Variants in CCDC33 observed in about 807,000 individuals in gnomAD.
CCDC33 encodes coiled-coil domain-containing protein 33.
In CCDC33, 94 loss-of-function variants were observed where a neutral mutation model predicts 91.9. The observed-to-expected ratio is 1.02, with a 90% CI of 0.87 to 1.21. The LOEUF (loss-of-function observed/expected upper bound fraction) is 1.21. CCDC33 is among the 50% of genes most tolerant of loss of function. CCDC33 has a pLI of 0.00. For missense variants in CCDC33, 940 were observed against 935.5 expected, an observed-to-expected ratio of 1.00 and a Z score of -0.06; for synonymous variants, 396 against 374.5, an observed-to-expected ratio of 1.06 and a Z score of -0.66.
At chr15:74,217,177 T>C, upstream of CCDC33, 1 of 953,424 alleles carries the variant, frequency 1.0e-6, no homozygotes, top group Non-Finnish European at 1.4e-6. Context: ...GGAGTGTCCC[T>C]GAGCACCCAG....
chr15:74,317,005 G>A (rs2060099453), intron 11 of CCDC33, among the ~76,000 whole-genome samples: 1 of 152,196 alleles, frequency 6.6e-6, no homozygotes. Flanking sequence ...GGAGTATGGG[G>A]ATTGTCTTGT....
At chr15:74,256,363 A>C (rs1217118940) in intron 2 of CCDC33, among the ~76,000 whole-genome samples, 2 of 152,162 alleles carry the variant, frequency 1.3e-5, no homozygotes, top group East Asian at 3.9e-4. Context: ...TGAGGTCAGG[A>C]AGTTCGACTT....
At chr15:74,291,735 T>C (rs2059588489) in intron 10 of CCDC33, among the ~76,000 whole-genome samples, 1 of 152,122 alleles carries the variant, frequency 6.6e-6, no homozygotes, top group Non-Finnish European at 1.5e-5. Context: ...TGATTGGGGA[T>C]CTAGGGGATG....
intron 7 of CCDC33, among the ~76,000 whole-genome samples, chr15:74,275,103 G>C (rs1566990145): frequency 6.6e-6 from 1 of 152,078 alleles, no homozygotes; most frequent in Non-Finnish European, 1.5e-5. Flanking sequence ...CTCTACACTT[G>C]AGGGGGTGGG....
chr15:74,265,629 G>A (rs1244587633), intron 3 of CCDC33, among the ~76,000 whole-genome samples: 1 of 152,218 alleles, frequency 6.6e-6, no homozygotes, highest in Admixed American at 6.5e-5. Flanking sequence ...TCATGGCTGA[G>A]ACATGCCTGG....
chr15:74,330,032 C>T (rs2060393977), intron 11 of CCDC33, among the ~76,000 whole-genome samples, 157 bp from the exon 12 acceptor site: 1 of 152,160 alleles, frequency 6.6e-6, no homozygotes, highest in African/African-American at 2.4e-5. Context: ...GTCATAACCA[C>T]CCTTCCAGGG....
intron 10 of CCDC33, among the ~76,000 whole-genome samples, chr15:74,290,751 A>G (rs924978927): frequency 1.4e-4 from 22 of 152,178 alleles, no homozygotes; most frequent in Admixed American, 6.5e-5. Context: ...ATTGTAGAGG[A>G]CCTGGGTGCT....
chr15:74,223,277 C>A (rs1329876636), intron 2 of CCDC33, among the ~76,000 whole-genome samples: 1 of 152,100 alleles, frequency 6.6e-6, no homozygotes, highest in African/African-American at 2.4e-5. Context: ...AAGAGAGGCT[C>A]TAGAAAGCAA....
At chr15:74,335,876 AC>A in intron 18 of CCDC33, 48 bp from the exon 19 acceptor site, 1 of 1,425,606 alleles carries the variant, frequency 7.0e-7, no homozygotes, top group South Asian at 1.2e-5. Context: ...TGAGCAGGTC[AC>A]CCCCTGGGAA....
chr15:74,334,941 A>G, intron 17 of CCDC33, 34 bp from the exon 18 acceptor site: 1 of 1,536,586 alleles, frequency 6.5e-7, no homozygotes, highest in South Asian at 1.1e-5. Context: ...CCTGCTGCCC[A>G]TGGTCCTCCA....
chr15:74,313,636 T>C (rs1001472075), intron 11 of CCDC33, among the ~76,000 whole-genome samples: 6 of 151,986 alleles, frequency 3.9e-5, no homozygotes, highest in African/African-American at 1.2e-4. Flanking sequence ...GCCAGGATGG[T>C]CTCGAACACC....
intron 1 of CCDC33, among the ~76,000 whole-genome samples, chr15:74,204,184 G>A (rs1346035910): frequency 2.0e-5 from 3 of 152,182 alleles, no homozygotes; most frequent in Non-Finnish European, 4.4e-5. Flanking sequence ...GTAATGAGGA[G>A]CCCACACTGG....
chr15:74,265,576 T>C (rs1221442154), intron 3 of CCDC33, among the ~76,000 whole-genome samples: 1 of 152,196 alleles, frequency 6.6e-6, no homozygotes, highest in African/African-American at 2.4e-5. Flanking sequence ...AGAACAGAGA[T>C]GATGATACCT....
intron 1 of CCDC33, chr15:74,203,296 C>A: frequency 3.7e-6 from 3 of 806,110 alleles, no homozygotes; most frequent in Non-Finnish European, 4.5e-6. Flanking sequence ...ACCAGACCCA[C>A]GGGTAGGCAA....
At chr15:74,211,596 G>A (rs896590991) in intron 2 of CCDC33, among the ~76,000 whole-genome samples, 2 of 151,996 alleles carry the variant, frequency 1.3e-5, no homozygotes, top group Non-Finnish European at 2.9e-5. Context: ...TAGAGATGAG[G>A]TTTCTCCATG....
At chr15:74,238,010 C>T (rs1280043375) in intron 1 of CCDC33, among the ~76,000 whole-genome samples, 1 of 151,816 alleles carries the variant, frequency 6.6e-6, no homozygotes, top group Non-Finnish European at 1.5e-5. Context: ...CGTCTGTAAT[C>T]CCAGTTACTC....
chr15:74,249,245 G>A (rs2142301764), intron 2 of CCDC33, among the ~76,000 whole-genome samples: 1 of 152,220 alleles, frequency 6.6e-6, no homozygotes, highest in Middle Eastern at 3.4e-3. Context: ...CCAGCACTTT[G>A]GGAGGCCGAG....
intron 11 of CCDC33, among the ~76,000 whole-genome samples, chr15:74,328,502 CTG>C (rs1189883413): frequency 1.3e-5 from 2 of 152,060 alleles, no homozygotes; most frequent in African/African-American, 2.4e-5. Flanking sequence ...CTGCAAAGCC[CTG>C]TGTGTGTGTG....
intron 16 of CCDC33, chr15:74,333,072 C>A: frequency 1.3e-6 from 1 of 775,546 alleles, no homozygotes; most frequent in East Asian, 2.7e-5. Context: ...CAGGAGAAAG[C>A]AAGCCCCTTG....
Sources: allele counts gnomAD v4.1 joint callset (sites outside exome capture counted in the v4.1 genomes callset), GRCh38; gene constraint gnomAD v4.1.1; transcripts MANE v1.5; gene names NCBI Gene and HGNC (gene_info 2026-07-23, HGNC 2026-07-21).